The following TENM2 variants were observed in gnomAD, a reference collection of about 807,000 sequenced individuals.
TENM2 encodes teneurin transmembrane protein 2.
TENM2 carries 52 observed loss-of-function variants against 245.2 expected under a neutral mutation model. The ratio of observed to expected loss-of-function variants is 0.21; its 90% confidence interval spans 0.17 to 0.27. TENM2 has a LOEUF of 0.27. Among genes scored for constraint, TENM2 ranks in the 10% least tolerant of loss-of-function variants. The pLI is 1.00. For missense variants in TENM2, 3,046 were observed against 3,666.8 expected, an observed-to-expected ratio of 0.83 and a Z score of 4.37; for synonymous variants, 1,363 against 1,438.9, an observed-to-expected ratio of 0.95 and a Z score of 1.19.
exon 7 of TENM2, chr5:168,062,196 C>T (rs1280209411): frequency 4.3e-6 from 7 of 1,613,722 alleles, no homozygotes; most frequent in African/African-American, 1.3e-5. Context: ...TAAAGTTCAA[C>T]ATCTCCCTCG....
intron 2 of TENM2, among the ~76,000 whole-genome samples, chr5:167,620,456 A>G (rs571681283): frequency 6.6e-6 from 1 of 151,508 alleles, no homozygotes; most frequent in Non-Finnish European, 1.5e-5. Context: ...TAACTTGTGA[A>G]TAGGTTGGGA....
chr5:167,469,454 A>C (rs1766870676), intron 2 of TENM2, among the ~76,000 whole-genome samples: 2 of 152,166 alleles, frequency 1.3e-5, no homozygotes, highest in Admixed American at 6.5e-5. Context: ...GCTTAAATGC[A>C]ATATGTTAGA....
intron 4 of TENM2, among the ~76,000 whole-genome samples, chr5:167,968,725 G>T (rs1354817160): frequency 6.6e-6 from 1 of 152,020 alleles, no homozygotes; most frequent in South Asian, 2.1e-4. Flanking sequence ...TCTTATCAAC[G>T]CAGATCCTCT....
At chr5:168,224,375 G>A (rs191428639) in intron 23 of TENM2, among the ~76,000 whole-genome samples, 79 of 152,268 alleles carry the variant, frequency 5.2e-4, no homozygotes, top group Admixed American at 3.3e-4. Context: ...TTTAGGCAGC[G>A]CGGTGTACAG....
At chr5:167,330,276 A>G (rs896075227) in intron 1 of TENM2, among the ~76,000 whole-genome samples, 1 of 152,170 alleles carries the variant, frequency 6.6e-6, no homozygotes, top group African/African-American at 2.4e-5. Context: ...TAACACTATC[A>G]GTTTGGCATC....
chr5:167,438,380 T>C (rs1211790248), intron 2 of TENM2, among the ~76,000 whole-genome samples: 3 of 152,166 alleles, frequency 2.0e-5, no homozygotes, highest in Non-Finnish European at 4.4e-5. Context: ...ACTTACAAAA[T>C]GGTGTTCTTC....
At chr5:167,986,264 A>C (rs961681190) in intron 4 of TENM2, among the ~76,000 whole-genome samples, 3 of 152,212 alleles carry the variant, frequency 2.0e-5, no homozygotes, top group Non-Finnish European at 2.9e-5. Flanking sequence ...TTGTTTTCAC[A>C]TGAGGAAAAG....
At chr5:167,455,886 A>G (rs976685373) in intron 2 of TENM2, among the ~76,000 whole-genome samples, 4 of 152,170 alleles carry the variant, frequency 2.6e-5, no homozygotes, top group African/African-American at 9.7e-5. Flanking sequence ...AATTTCATAG[A>G]TTGTCCATAT....
chr5:167,237,193 C>T, the TENM2 span, among the ~76,000 whole-genome samples: 9 of 152,148 alleles, frequency 5.9e-5, no homozygotes, highest in Admixed American at 4.6e-4. Context: ...GAAACCAGTT[C>T]GTCTCTTTTA....
chr5:167,242,784 G>A, the TENM2 span, among the ~76,000 whole-genome samples: 2 of 152,132 alleles, frequency 1.3e-5, no homozygotes, highest in South Asian at 2.1e-4. Flanking sequence ...TAGGCTATTT[G>A]TAGTTAAGTT....
the TENM2 span, among the ~76,000 whole-genome samples, chr5:167,049,344 G>T: frequency 6.6e-6 from 1 of 152,102 alleles, no homozygotes; most frequent in Non-Finnish European, 1.5e-5. Context: ...AGCATTCAGG[G>T]TTTTTCATGA....
intron 2 of TENM2, among the ~76,000 whole-genome samples, chr5:167,513,129 G>A (rs777519226): frequency 3.9e-5 from 6 of 152,158 alleles, no homozygotes; most frequent in East Asian, 1.9e-4. Flanking sequence ...TGGGGTTTAG[G>A]CTATTTGTTG....
chr5:167,241,209 A>G, the TENM2 span, among the ~76,000 whole-genome samples: 1 of 152,182 alleles, frequency 6.6e-6, no homozygotes, highest in Admixed American at 6.5e-5. Context: ...CCTGTACTAT[A>G]TACTGGGCAC....
At chr5:167,090,366 A>G in the TENM2 span, among the ~76,000 whole-genome samples, 1 of 152,012 alleles carries the variant, frequency 6.6e-6, no homozygotes, top group Non-Finnish European at 1.5e-5. Context: ...CAAAGAAAGT[A>G]GCTGCTTCAA....
chr5:167,570,536 G>A (rs184240883), intron 2 of TENM2, among the ~76,000 whole-genome samples: 146 of 152,260 alleles, frequency 9.6e-4, no homozygotes, highest in Middle Eastern at 3.4e-3. Context: ...AGTCAAGGTC[G>A]TATGTAGAAT....
At chr5:167,095,839 C>G in the TENM2 span, among the ~76,000 whole-genome samples, 1 of 149,196 alleles carries the variant, frequency 6.7e-6, no homozygotes, top group Non-Finnish European at 1.5e-5. Flanking sequence ...GGCGTGATCT[C>G]GGCTCACTGC....
the TENM2 span, among the ~76,000 whole-genome samples, chr5:167,178,041 T>G: frequency 3.9e-5 from 6 of 152,220 alleles, no homozygotes; most frequent in African/African-American, 1.2e-4. Context: ...AATTTTATTC[T>G]TACAGTGACA....
the TENM2 span, among the ~76,000 whole-genome samples, chr5:167,051,240 G>A: frequency 3.3e-5 from 5 of 151,510 alleles, no homozygotes; most frequent in Non-Finnish European, 7.4e-5. Flanking sequence ...AAAGCAAAAG[G>A]CAAACTTTTG....
At chr5:166,987,549 A>C in the TENM2 span, among the ~76,000 whole-genome samples, 1 of 151,460 alleles carries the variant, frequency 6.6e-6, no homozygotes, top group East Asian at 1.9e-4. Context: ...TTTTTAATTG[A>C]GATATCTAAT....
Sources: gnomAD v4.1 joint callset for allele counts (sites outside exome capture counted in the v4.1 genomes callset) on GRCh38, gnomAD v4.1.1 for gene constraint, MANE v1.5 for transcripts, NCBI Gene and HGNC (gene_info 2026-07-23, HGNC 2026-07-21) for gene names.